ZNF471: variants seen among roughly 807,000 people sequenced by gnomAD.
ZNF471 encodes the protein zinc finger protein 471, also known as EZFIT-related protein 1.
In ZNF471, 7 loss-of-function variants were observed where a neutral mutation model predicts 13.7. The ratio of observed to expected loss-of-function variants is 0.51; its 90% confidence interval spans 0.29 to 0.96. ZNF471 has a LOEUF of 0.96. Ranked by LOEUF, ZNF471 falls within the 40% of genes least tolerant of loss-of-function variation. The pLI is 0.08. For missense variants in ZNF471, 663 were observed against 743.3 expected (o/e 0.89, Z 1.26); for synonymous variants, 218 against 235.6 (o/e 0.93, Z 0.68).
At position 56,516,156 on chromosome 19, in the gene ZNF471, A is replaced by G; in HGVS notation, c.34-119A>G. 1 of 1,021,340 alleles carries G rather than the reference A, an allele frequency of 9.8e-7. No homozygotes were observed. Among genetic ancestry groups the G allele is most frequent in the Non-Finnish European group, 1.4e-6 (1 of 692,256 alleles). The allele number at this position is 1,021,340 out of a possible 1,614,324, so 63.3% of individuals were successfully genotyped here. On this transcript the variant is annotated intron_variant, in intron 2 of 4. Transcript: ENST00000308031. The surrounding 1 kb of genome is among the most constrained non-coding windows in gnomAD (Gnocchi z 4.4). ...GTACTGTTTTGGCTTGGATCTTCCT[A>G]TTTATGTTTTTTCTCTTCTATGAGT...
intron 3 of ZNF471, among the ~76,000 whole-genome samples, chr19:56,517,114 CTGTTT>C (rs1253226398): frequency 1.4e-5 from 2 of 146,070 alleles, no homozygotes; most frequent in African/African-American, 2.5e-5. Flanking sequence ...AATCTTTGTT[CTGTTT>C]TAATTTTAAT....
In ZNF471 at chr19:56,510,429, CTG is replaced by C; in HGVS notation, c.-55-1085_-55-1084del. The stretch of plus-strand genomic sequence containing the variant: ...CCAAAAGGCTTTACAAATATAACCT[CTG>C]TGAGGTTGTGAAGCATGCATGTGTG... On this transcript the variant is annotated intron_variant, in intron 1 of 4. Coordinates refer to ENST00000308031, the MANE Select transcript of ZNF471 (RefSeq NM_020813.4). The surrounding 1 kb of genome is among the most constrained non-coding windows in gnomAD (Gnocchi z 4.3). 1 of 985,544 alleles carries C rather than the reference CTG, an allele frequency of 1.0e-6. No homozygotes were observed. The highest frequency in any genetic ancestry group is 1.7e-5 in the African/African-American group (1 of 57,322). 61.0% of individuals were successfully genotyped at this position (985,544 alleles called of 1,614,324 possible).
rs1032014756 is a variant in ZNF471 at position 56,522,737 on chromosome 19, T to C, written c.257-1587T>C. 2.6e-5 allele frequency among the ~76,000 whole-genome samples: 4 copies of C among 151,946 alleles called. No homozygotes were observed. Among genetic ancestry groups the C allele is most frequent in the Admixed American group, 2.6e-4 (4 of 15,260 alleles). ...GATGTAGCAATATATTTTTTCTTTT[T>C]TTCTTTTTTTTTTTTTGAGATGGAG... On this transcript the variant is annotated intron_variant, in intron 4 of 4. Coordinates refer to ENST00000308031, the MANE Select transcript of ZNF471 (RefSeq NM_020813.4). The surrounding 1 kb of genome is among the most constrained non-coding windows in gnomAD (Gnocchi z 4.1).
chr19:56,514,646 CA>C (rs890603452), intron 2 of ZNF471, among the ~76,000 whole-genome samples: 7 of 152,126 alleles, frequency 4.6e-5, no homozygotes, highest in South Asian at 2.1e-4. Context: ...CACATCAAAT[CA>C]GGGGTGCACA....
At chr19:56,517,144 C>CTT (rs145588906) in intron 3 of ZNF471, among the ~76,000 whole-genome samples, 1,617 of 126,078 alleles carry the variant, frequency 0.013, 26 homozygotes, top group Middle Eastern at 0.048. Flanking sequence ...CTCTCGCTCT[C>CTT]TTTTTTTTTT....
At chr19:56,517,298 ATTTTTTTT>A (rs57499065) in intron 3 of ZNF471, among the ~76,000 whole-genome samples, 17 of 100,394 alleles carry the variant, frequency 1.7e-4, no homozygotes, top group African/African-American at 4.2e-4. Flanking sequence ...CACCCAGCTA[ATTTTTTTT>A]TTTTTTTTTT....
In ZNF471 at chr19:56,510,191, TGG is replaced by T; in HGVS notation, c.-55-1325_-55-1324del. 1.0e-6 allele frequency: 1 copy of T among 985,406 alleles called. No homozygotes were observed. Among genetic ancestry groups the T allele is most frequent in the Non-Finnish European group, 1.2e-6 (1 of 829,982 alleles). The allele number at this position is 985,406 out of a possible 1,614,324, so 61.0% of individuals were successfully genotyped here. A position where few individuals can be genotyped will look rare whatever the true frequency, so the allele number is the denominator to read the frequency against. ...TTTTGTGTGCATGAGATAAAGCAGT[TGG>T]AATATGAGAGATCAGAGTGTGTTTG... On this transcript the variant is annotated intron_variant, in intron 1 of 4. Coordinates refer to ENST00000308031, the MANE Select transcript of ZNF471 (RefSeq NM_020813.4). The surrounding 1 kb of genome is among the most constrained non-coding windows in gnomAD (Gnocchi z 4.3).
rs367618789 is a variant in ZNF471 at position 56,525,272 on chromosome 19, C to T, written c.1205C>T (p.Pro402Leu). 1.7e-5 allele frequency: 28 copies of T among 1,611,672 alleles called. No homozygotes were observed. Among genetic ancestry groups the T allele is most frequent in the African/African-American group, 4.0e-5 (3 of 74,820 alleles). ...AGGAGAATTCATACAGGAGAGAAAC[C>T]TTACAAATGTGGTGTGTGTGGAAAA... ...LHRRIHTGEK[P>L]YKCGVCGKTF... Residue 402 changes from proline to leucine, a missense_variant, in exon 5 of 5, where the codon CCT (proline) becomes CTT (leucine). Physicochemically the swap from Pro to Leu is moderately conservative, Grantham distance 98. Coordinates refer to ENST00000308031, the MANE Select transcript of ZNF471 (RefSeq NM_020813.4).
At position 56,526,291 on chromosome 19, in the gene ZNF471, GAAGCCATGAGGGACT is replaced by G. The variant is rs1281768007; in HGVS notation, c.*344_*358del. 4.7e-6 allele frequency: 1 copy of G among 211,398 alleles called. No individual in the cohort carries two copies. The highest frequency in any genetic ancestry group is 9.5e-6 in the Non-Finnish European group (1 of 104,770). The allele number at this position is 211,398 out of a possible 1,614,324, so 13.1% of individuals were successfully genotyped here. A position where few individuals can be genotyped will look rare whatever the true frequency, so the allele number is the denominator to read the frequency against. On this transcript the variant is annotated 3_prime_UTR_variant, in exon 5 of 5. Transcript: ENST00000308031. Reference sequence around the variant, plus strand: ...GGGGATCTCCCTCCCCTAGCCAAGGGAAGCCATGAGGGACTGTGCCATGAGGAATGGTGCACTCCG... The same window carrying G: ...GGGGATCTCCCTCCCCTAGCCAAGGGGTGCCATGAGGAATGGTGCACTCCG...
Position 56,524,429 on chromosome 19 carries a change from T to G in ZNF471, c.362T>G (p.Phe121Cys). The change falls in exon 5 of 5, where the codon TTT becomes TGT. Residue 121 changes from phenylalanine to cysteine, a missense_variant. Phe to Cys is a radical substitution (Grantham distance 205). Transcript: ENST00000308031. The surrounding 1 kb of genome is among the most constrained non-coding windows in gnomAD (Gnocchi z 4.8). ...ITSYGLECST[F>C]EENWKWEDLF... Reference sequence around the variant, plus strand: ...AGCTATGGACTTGAGTGTTCCACTTTTGAAGAAAATTGGAAATGGGAAGAC... The same window carrying G: ...AGCTATGGACTTGAGTGTTCCACTTGTGAAGAAAATTGGAAATGGGAAGAC... The G allele has an allele frequency of 6.2e-7, 1 of 1,613,798 alleles. No individual in the cohort carries two copies. The highest frequency in any genetic ancestry group is 8.5e-7 in the Non-Finnish European group (1 of 1,179,952).
intron 4 of ZNF471, among the ~76,000 whole-genome samples, chr19:56,523,118 T>A (rs967285461): frequency 1.3e-5 from 2 of 152,210 alleles, no homozygotes; most frequent in African/African-American, 4.8e-5. Flanking sequence ...TTACTCGTGG[T>A]AGTAAATAAG....
chr19:56,519,859 AC>A (rs1237729835), intron 4 of ZNF471, among the ~76,000 whole-genome samples: 9 of 152,344 alleles, frequency 5.9e-5, no homozygotes, highest in African/African-American at 2.2e-4. Flanking sequence ...GAAGTCTTGC[AC>A]CTTTCTGTTC....
chr19:56,511,653 G>C, intron 2 of ZNF471, 49 bp downstream of exon 2: 1 of 1,460,852 alleles, frequency 6.8e-7, no homozygotes, highest in Non-Finnish European at 9.5e-7. Context: ...TTGCTGTTTA[G>C]GACTTTTTGT....
In ZNF471 at chr19:56,524,997, A is replaced by C; in HGVS notation, c.930A>C (p.Arg310Ser). 1 of 1,614,150 alleles carries C rather than the reference A, an allele frequency of 6.2e-7. No homozygotes were observed. The change falls in exon 5 of 5, where the codon AGA becomes AGC. Residue 310 changes from arginine to serine, a missense_variant. Arg to Ser is a moderately radical substitution (Grantham distance 110, BLOSUM62 -1). Coordinates refer to ENST00000308031, the MANE Select transcript of ZNF471 (RefSeq NM_020813.4). This position sits in a 1 kb window ranked among gnomAD's most constrained non-coding sequence, Gnocchi z 4.8. ...CTGCACACCTTGCTCAGCATCAGAG[A>C]ATTCATACTGGAGAGAAACCCTATG... ...RQPAHLAQHQRIHTGEKPYEC... is the reference protein window; with the variant it reads ...RQPAHLAQHQSIHTGEKPYEC...
chr19:56,509,753 G>GTT, intron 1 of ZNF471: 5 of 312,920 alleles, frequency 1.6e-5, no homozygotes, highest in Middle Eastern at 1.6e-3. Flanking sequence ...GTGTGTGTGT[G>GTT]TAGATCCCCA....
Position 56,510,871 on chromosome 19 carries a change from G to A in ZNF471, c.-55-646G>A. ...TGACTGAAGCTCCTAACTGAAGCAGGAGACACCCTCACTTCTGTGTGACAG... is the reference window on the plus strand; with the variant it reads ...TGACTGAAGCTCCTAACTGAAGCAGAAGACACCCTCACTTCTGTGTGACAG... On this transcript the variant is annotated intron_variant, in intron 1 of 4. Transcript: ENST00000308031. This position sits in a 1 kb window ranked among gnomAD's most constrained non-coding sequence, Gnocchi z 4.3. 1 of 985,452 alleles carries A rather than the reference G, an allele frequency of 1.0e-6. No homozygotes were observed. Among genetic ancestry groups the A allele is most frequent in the Middle Eastern group, 5.2e-4 (1 of 1,914 alleles). The allele number at this position is 985,452 out of a possible 1,614,324, so 61.0% of individuals were successfully genotyped here.
chr19:56,516,359 A>G lies in ZNF471; in HGVS notation c.118A>G (p.Arg40Gly), dbSNP rs2043889244. The G allele has an allele frequency of 1.9e-6, 3 of 1,613,918 alleles. No homozygotes were observed. Among genetic ancestry groups the G allele is most frequent in the African/African-American group, 2.7e-5 (2 of 75,048 alleles). ...WMNPAQKRLY[R>G]SMMLENYQSL... ...GAACCCTGCTCAGAAGCGTTTATACAGGAGTATGATGTTGGAGAACTATCA... is the reference window on the plus strand; with the variant it reads ...GAACCCTGCTCAGAAGCGTTTATACGGGAGTATGATGTTGGAGAACTATCA... Residue 40 changes from arginine (R) to glycine (G), a missense_variant, in exon 3 of 5, where the codon AGG (arginine) becomes GGG (glycine). Arg to Gly is a moderately radical substitution (Grantham distance 125). Transcript: ENST00000308031. The surrounding 1 kb of genome is among the most constrained non-coding windows in gnomAD (Gnocchi z 4.4).
At position 56,527,719 on chromosome 19, in the gene ZNF471, G is replaced by A. The variant is rs2044064687; in HGVS notation, c.*1771G>A. ...TTCAGCCAGATTGAATGCTTTACAG[G>A]GAAGAATTCATACTGCAGAGCGGTC... On this transcript the variant is annotated 3_prime_UTR_variant, in exon 5 of 5. Coordinates refer to ENST00000308031, the MANE Select transcript of ZNF471 (RefSeq NM_020813.4). 1 of 152,154 alleles carries A rather than the reference G, an allele frequency of 6.6e-6. No homozygotes were observed. The highest frequency in any genetic ancestry group is 1.5e-5 in the Non-Finnish European group (1 of 68,026). The allele number at this position is 152,154 out of a possible 1,614,324, so 9.4% of individuals were successfully genotyped here.
At position 56,530,085 on chromosome 19, in the gene ZNF471, G is replaced by A. The variant is rs1423238460; in HGVS notation, c.*4137G>A. On this transcript the variant is annotated 3_prime_UTR_variant, in exon 5 of 5. Transcript: ENST00000308031. ...CAGAAAATCAGTTTAGTAGATCACT[G>A]TGTAGTTACGGAAAATGAGATGGAT... is the stretch of plus-strand genomic sequence containing the variant. 6.6e-6 allele frequency: 1 copy of A among 152,214 alleles called. No homozygotes were observed. The highest frequency in any genetic ancestry group is 1.5e-5 in the Non-Finnish European group (1 of 68,034). The allele number at this position is 152,214 out of a possible 1,614,324, so 9.4% of individuals were successfully genotyped here.
Sources: allele counts gnomAD v4.1 joint callset (sites outside exome capture counted in the v4.1 genomes callset), GRCh38; gene constraint gnomAD v4.1.1; non-coding constraint Gnocchi (gnomAD v3.1); transcripts MANE v1.5; gene names NCBI Gene and HGNC (gene_info 2026-07-23, HGNC 2026-07-21).